Variants in KLHDC4 observed in about 807,000 individuals in gnomAD.
The protein encoded by KLHDC4 is kelch domain containing 4, also known as kelch domain-containing protein 4.
KLHDC4 carries 90 observed loss-of-function variants against 62.4 expected under a neutral mutation model. That is an observed-to-expected ratio of 1.44 (90% CI 1.22 to 1.72). KLHDC4 has a LOEUF of 1.72. Among genes scored for constraint, KLHDC4 ranks in the 40% most tolerant of loss-of-function variants. The pLI is 0.00. For synonymous variants in KLHDC4, 386 were observed against 284.4 expected (o/e 1.36, Z -3.59); for missense variants, 1,025 against 699.7 (o/e 1.47, Z -5.25).
At chr16:87,734,845 G>T (rs556286795) in intron 5 of KLHDC4, among the ~76,000 whole-genome samples, 1 of 151,948 alleles carries the variant, frequency 6.6e-6, no homozygotes, top group African/African-American at 2.4e-5. Flanking sequence ...ACCATCCAGC[G>T]GACACACTAC....
chr16:87,709,102 G>C (rs2142909207), intron 10 of KLHDC4, among the ~76,000 whole-genome samples, 163 bp downstream of exon 10: 1 of 152,400 alleles, frequency 6.6e-6, no homozygotes, highest in Non-Finnish European at 1.5e-5. Context: ...TTCCACAACA[G>C]GGTCCTGTTC....
chr16:87,752,089 CAAAAA>C (rs1173625123), intron 4 of KLHDC4, among the ~76,000 whole-genome samples: 9 of 29,462 alleles, frequency 3.1e-4, no homozygotes, highest in South Asian at 2.4e-3. Flanking sequence ...GACTTTGTCT[CAAAAA>C]AAAAAAAAAA....
chr16:87,732,982 C>T (rs1039969668), intron 5 of KLHDC4, among the ~76,000 whole-genome samples: 1 of 130,240 alleles, frequency 7.7e-6, no homozygotes, highest in African/African-American at 3.0e-5. Context: ...CCTATCCCAG[C>T]TTCTATAGGT....
chr16:87,758,529 C>T lies in KLHDC4; in HGVS notation c.192-2052G>A, dbSNP rs1015200065. Among the ~76,000 whole-genome samples, 3 of 152,154 alleles carry T rather than the reference C, an allele frequency of 2.0e-5. No homozygotes were observed. The East Asian group carries it at 5.8e-4, about 29-fold the overall frequency. On this transcript the variant is annotated intron_variant, in intron 2 of 11. Transcript: ENST00000270583. ...CAGTGACAGAAAGTTGACCAGAAGTCACCAGGGGGCTGGGGGAGGGGAAAC... is the reference window on the plus strand; with the variant it reads ...CAGTGACAGAAAGTTGACCAGAAGTTACCAGGGGGCTGGGGGAGGGGAAAC...
intron 7 of KLHDC4, among the ~76,000 whole-genome samples, chr16:87,718,658 A>C (rs979553787): frequency 1.3e-5 from 2 of 148,634 alleles, no homozygotes; most frequent in African/African-American, 5.0e-5. Context: ...TCGTCTGGGA[A>C]GTGAGGAGCG....
At chr16:87,711,899 C>A (rs571777042) in intron 8 of KLHDC4, among the ~76,000 whole-genome samples, 1 of 133,906 alleles carries the variant, frequency 7.5e-6, no homozygotes, top group African/African-American at 3.9e-5. Context: ...GAACCTTCAC[C>A]CAGGGGGCTG....
rs566327480 is a variant in KLHDC4, at chr16:87,759,347, T to G, written c.191+2602A>C. Among the ~76,000 whole-genome samples, 4 of 145,232 alleles carry G rather than the reference T, an allele frequency of 2.8e-5. No homozygotes were observed. The South Asian group carries it at 8.7e-4, about 31-fold the overall frequency. On this transcript the variant is annotated intron_variant, in intron 2 of 11. Transcript: ENST00000270583. ...GTCAGGAATTTGAGGCCAGCCTGACTCCAGAGGTTGCAGTGAGCTGAGATC... is the reference window on the plus strand; with the variant it reads ...GTCAGGAATTTGAGGCCAGCCTGACGCCAGAGGTTGCAGTGAGCTGAGATC...
In KLHDC4 at chr16:87,730,642, G is replaced by T; in HGVS notation, c.509C>A (p.Ser170Ter). ...LATKTWEQVK[S>*]TGGPSGRSGH... ...ACTCCGACCCGAAGGACCGCCTGTT[G>T]ATCTAAAATGAAATAAACAAAAAGA... is the stretch of plus-strand genomic sequence containing the variant. Residue 170 changes from serine (S) to a stop codon, truncating the protein, a stop_gained and splice_region_variant, in exon 6 of 12, where the codon TCA becomes TAA. Coordinates refer to ENST00000270583, the MANE Select transcript of KLHDC4 (RefSeq NM_017566.4). LOFTEE classifies it high-confidence loss of function. The T allele has an allele frequency of 6.2e-7, 1 of 1,611,740 alleles. No homozygotes were observed. The highest frequency in any genetic ancestry group is 8.5e-7 in the Non-Finnish European group (1 of 1,179,226).
chr16:87,755,333 GCTT>G (rs1382256491), intron 3 of KLHDC4, 41 bp from the exon 4 acceptor site: 4 of 1,059,448 alleles, frequency 3.8e-6, no homozygotes, highest in Non-Finnish European at 5.9e-6. Context: ...CAAATGATAC[GCTT>G]CCAAGGAAGT....
At chr16:87,746,953 G>C (rs1165035781) in intron 5 of KLHDC4, among the ~76,000 whole-genome samples, 1 of 152,228 alleles carries the variant, frequency 6.6e-6, no homozygotes, top group Admixed American at 6.5e-5. Flanking sequence ...GTACGACCGA[G>C]CCTGCAGTGT....
intron 1 of KLHDC4, 57 bp downstream of exon 1, chr16:87,765,735 C>G: frequency 1.3e-6 from 2 of 1,490,142 alleles, no homozygotes; most frequent in Non-Finnish European, 1.8e-6. Flanking sequence ...CGCAGGGAGT[C>G]GGCCGAGGCT....
chr16:87,737,754 A>C (rs913684112), intron 5 of KLHDC4, among the ~76,000 whole-genome samples: 1 of 151,968 alleles, frequency 6.6e-6, no homozygotes, highest in Non-Finnish European at 1.5e-5. Context: ...TGCCTGGCTA[A>C]TATTTTTCTG....
chr16:87,750,031 C>T (rs2043678203), intron 4 of KLHDC4, among the ~76,000 whole-genome samples: 1 of 152,218 alleles, frequency 6.6e-6, no homozygotes, highest in Non-Finnish European at 1.5e-5. Flanking sequence ...AAAACAACGG[C>T]ATCCCTGACG....
intron 5 of KLHDC4, 113 bp downstream of exon 5, chr16:87,748,560 G>T: frequency 1.5e-6 from 2 of 1,368,278 alleles, no homozygotes; most frequent in Non-Finnish European, 2.0e-6. Flanking sequence ...CCAGGACTGT[G>T]ACCCAAGTTC....
intron 7 of KLHDC4, among the ~76,000 whole-genome samples, chr16:87,724,942 C>T (rs1022628393): frequency 2.0e-5 from 3 of 152,160 alleles, no homozygotes; most frequent in Admixed American, 1.3e-4. Flanking sequence ...TTCTGAAGAA[C>T]GGAAACAGCC....
Position 87,756,442 on chromosome 16 carries a change from T to A in KLHDC4, c.227A>T (p.Asp76Val), listed in dbSNP as rs1312186833. The change falls in exon 3 of 12, where the codon GAT becomes GTT. Residue 76 changes from aspartate to valine, a missense_variant. Coordinates refer to ENST00000270583, the MANE Select transcript of KLHDC4 (RefSeq NM_017566.4). ...TTCACCTCCAAAAAGGATTAACTCATCTTTCTCAGGATGAACCGAGAGGGA... is the reference window on the plus strand; with the variant it reads ...TTCACCTCCAAAAAGGATTAACTCAACTTTCTCAGGATGAACCGAGAGGGA... The part of the protein sequence containing the change: ...NASLSVHPEK[D>V]ELILFGGEYF... 1 of 1,614,002 alleles carries A rather than the reference T, an allele frequency of 6.2e-7. No homozygotes were observed. The highest frequency in any genetic ancestry group is 2.2e-5 in the East Asian group (1 of 44,890).
chr16:87,735,126 C>T (rs952182952), intron 5 of KLHDC4, among the ~76,000 whole-genome samples: 49 of 151,626 alleles, frequency 3.2e-4, no homozygotes, highest in South Asian at 2.5e-3. Context: ...GCTGAAACCC[C>T]GTCTCTACTA....
exon 1 of KLHDC4, chr16:87,699,952 T>C (rs2034061475): frequency 6.6e-6 from 1 of 152,270 alleles, no homozygotes; most frequent in Admixed American, 6.5e-5. Context: ...TTTCATACTT[T>C]TGCAGTTCAG....
At chr16:87,698,897 T>G (rs2034016634) in exon 1 of KLHDC4, 1 of 152,308 alleles carries the variant, frequency 6.6e-6, no homozygotes, top group Non-Finnish European at 1.5e-5. Context: ...CGAGTTTTCA[T>G]TAACCCGAGA....
Sources: gnomAD v4.1 joint callset for allele counts (sites outside exome capture counted in the v4.1 genomes callset) on GRCh38, gnomAD v4.1.1 for gene constraint, MANE v1.5 for transcripts, NCBI Gene and HGNC (gene_info 2026-07-23, HGNC 2026-07-21) for gene names.